Variants in ST18 observed in about 807,000 individuals in gnomAD.
ST18 encodes suppression of tumorigenicity 18 protein.
A neutral mutation model predicts 110.0 loss-of-function variants in ST18; 50 were observed. The ratio of observed to expected loss-of-function variants is 0.45; its 90% CI spans 0.36 to 0.58. The LOEUF (loss-of-function observed/expected upper bound fraction) is 0.58. Ranked by LOEUF, ST18 falls within the 20% of genes least tolerant of loss-of-function variation. ST18 has a pLI of 0.00. For synonymous variants in ST18, 461 were observed against 452.4 expected (o/e 1.02, Z -0.24); for missense variants, 1,306 against 1,280.1 (o/e 1.02, Z -0.31).
chr8:52,333,287 T>C (rs1281892577), intron 2 of ST18, among the ~76,000 whole-genome samples: 3 of 147,654 alleles, frequency 2.0e-5, no homozygotes, highest in East Asian at 2.0e-4. Context: ...AAGACCTGCA[T>C]AGCATTTTCT....
intron 25 of ST18, among the ~76,000 whole-genome samples, chr8:52,113,646 C>T (rs1427624182): frequency 6.6e-6 from 1 of 152,208 alleles, no homozygotes; most frequent in South Asian, 2.1e-4. Context: ...GAGGCAGCCT[C>T]AGCCTTGACT....
chr8:52,227,999 G>A (rs76061552), intron 3 of ST18, among the ~76,000 whole-genome samples: 2 of 152,264 alleles, frequency 1.3e-5, no homozygotes, highest in Non-Finnish European at 2.9e-5. Context: ...CTTTTCAGAT[G>A]CTTGAGATAA....
intron 2 of ST18, among the ~76,000 whole-genome samples, chr8:52,247,759 C>T (rs2138071826): frequency 6.6e-6 from 1 of 152,264 alleles, no homozygotes; most frequent in South Asian, 2.1e-4. Context: ...TTTTAGATGG[C>T]TTGCTTTTTC....
At chr8:52,403,415 G>A (rs1843423182) in intron 2 of ST18, 1 of 152,300 alleles carries the variant, frequency 6.6e-6, no homozygotes, top group African/African-American at 2.4e-5. Context: ...CCCAAGCTGA[G>A]CTCAGGGACC....
chr8:52,162,648 G>T (rs571057234), intron 13 of ST18, among the ~76,000 whole-genome samples: 3 of 152,100 alleles, frequency 2.0e-5, no homozygotes, highest in Non-Finnish European at 4.4e-5. Flanking sequence ...TAAGCTAAAT[G>T]TGAATTATAT....
rs2083280869 is a variant in ST18, at chr8:52,214,223, G to A, written c.35C>T (p.Thr12Ile). 3.1e-6 allele frequency: 5 copies of A among 1,614,078 alleles called. No homozygotes were observed. The highest frequency in any genetic ancestry group is 4.2e-6 in the Non-Finnish European group (5 of 1,179,988). The change falls in exon 7 of 26, where the codon ACT (threonine) becomes ATT (isoleucine). Residue 12 changes from threonine (T) to isoleucine (I), a missense_variant. By Grantham distance (89) the Thr-to-Ile change is moderately conservative. Transcript: ENST00000689386. ...CTCACCCTCGGTTCCTTTAGAGCGA[G>A]TACGCAGCGTTTTATCTTCAGCCTC... is the stretch of plus-strand genomic sequence containing the variant. The part of the protein sequence containing the change: ...DAEAEDKTLR[T>I]RSKGTEVPMD...
chr8:52,145,952 C>T (rs2057115591), intron 16 of ST18, among the ~76,000 whole-genome samples: 1 of 152,164 alleles, frequency 6.6e-6, no homozygotes, highest in African/African-American at 2.4e-5. Context: ...GGCATCTGGA[C>T]AGGCTATTTC....
chr8:52,377,592 C>T (rs1032132637), intron 2 of ST18, among the ~76,000 whole-genome samples: 10 of 152,060 alleles, frequency 6.6e-5, no homozygotes, highest in African/African-American at 2.2e-4. Flanking sequence ...ATTCAAAAGA[C>T]AGGAAATAAA....
rs189302085 is a variant in ST18 at position 52,327,138 on chromosome 8, C to A, written c.-465+82190G>T. ...AAGCAAAAGTGATAATTCTTCTATG[C>A]TGTCTGCAAATATCAGAGCAATTAC... On this transcript the variant is annotated intron_variant, in intron 2 of 25. Transcript: ENST00000689386. Among the ~76,000 whole-genome samples the A allele has an allele frequency of 5.9e-5, 9 of 152,364 alleles. No homozygotes were observed. The East Asian group carries it at 1.5e-3, about 26-fold the overall frequency.
intron 10 of ST18, among the ~76,000 whole-genome samples, chr8:52,170,831 A>G (rs1347325099): frequency 3.3e-5 from 5 of 152,198 alleles, no homozygotes; most frequent in Admixed American, 2.6e-4. Context: ...ATTGCAGGTG[A>G]GTGCTAAAAT....
rs143556625 is a variant in ST18, at chr8:52,157,066, G to C, written c.1806+1832C>G. ...GAGCTCCGTGGAGCAGTCTGGCACA[G>C]AGTGCTCCCGCCAGGAGCCCAAGAA... is the stretch of plus-strand genomic sequence containing the variant. On this transcript the variant is annotated intron_variant, in intron 15 of 25. Transcript: ENST00000689386. Among the ~76,000 whole-genome samples the C allele has an allele frequency of 3.7e-3, 566 of 152,322 alleles. 2 individuals are homozygous for C. Among genetic ancestry groups the C allele is most frequent in the Admixed American group, 9.5e-3 (146 of 15,306 alleles).
intron 4 of ST18, among the ~76,000 whole-genome samples, chr8:52,221,121 ATCT>A (rs2086552685): frequency 2.0e-5 from 3 of 151,874 alleles, no homozygotes; most frequent in South Asian, 2.1e-4. Context: ...CTATCTATCT[ATCT>A]ATCTATCTAT....
At chr8:52,407,510 A>G (rs1343426122) in intron 2 of ST18, 1 of 152,228 alleles carries the variant, frequency 6.6e-6, no homozygotes, top group Non-Finnish European at 1.5e-5. Flanking sequence ...GCACATGACT[A>G]ATACTAGACT....
At chr8:52,268,949 G>A (rs756465643) in intron 2 of ST18, among the ~76,000 whole-genome samples, 3 of 152,180 alleles carry the variant, frequency 2.0e-5, no homozygotes, top group Non-Finnish European at 2.9e-5. Context: ...AGAACACAGC[G>A]GGCAGTGCCC....
chr8:52,256,558 G>A (rs775260184), intron 2 of ST18, among the ~76,000 whole-genome samples: 5 of 152,136 alleles, frequency 3.3e-5, no homozygotes, highest in African/African-American at 7.2e-5. Context: ...CACTAAGAGT[G>A]TACAGAGAAC....
At chr8:52,158,761 C>CT in intron 15 of ST18, 137 bp downstream of exon 15, 2 of 989,946 alleles carry the variant, frequency 2.0e-6, no homozygotes, top group Non-Finnish European at 3.1e-6. Context: ...TCCTCTGAGC[C>CT]TCTTCCTGAG....
intron 2 of ST18, among the ~76,000 whole-genome samples, chr8:52,299,897 C>T (rs1295480771): frequency 1.3e-5 from 2 of 152,166 alleles, no homozygotes; most frequent in Non-Finnish European, 2.9e-5. Flanking sequence ...GAGGTGTAGC[C>T]CCTGGGTCCT....
At chr8:52,249,228 G>A (rs528118755) in intron 2 of ST18, 1 of 152,230 alleles carries the variant, frequency 6.6e-6, no homozygotes, top group African/African-American at 2.4e-5. Flanking sequence ...TCACTGAAGC[G>A]GTATTTCCAG....
At chr8:52,145,416 C>T (rs1357334864) in intron 16 of ST18, among the ~76,000 whole-genome samples, 1 of 152,102 alleles carries the variant, frequency 6.6e-6, no homozygotes, top group Middle Eastern at 3.2e-3. Flanking sequence ...CATATGCATA[C>T]AATAGTTTTA....
Sources: allele counts gnomAD v4.1 joint callset (sites outside exome capture counted in the v4.1 genomes callset), GRCh38; gene constraint gnomAD v4.1.1; transcripts MANE v1.5; gene names NCBI Gene and HGNC (gene_info 2026-07-23, HGNC 2026-07-21).